The following CSMD1 variants were observed in gnomAD, a reference collection of about 807,000 sequenced individuals.
CSMD1 encodes CUB and sushi domain-containing protein 1.
A neutral mutation model predicts 417.5 loss-of-function variants in CSMD1; 213 were observed. The observed-to-expected ratio is 0.51, with a 90% CI of 0.46 to 0.57. CSMD1 has a LOEUF of 0.57. CSMD1 is among the 20% of genes least tolerant of loss of function. The pLI, the probability that CSMD1 is intolerant of heterozygous loss-of-function variation, is 0.00. For synonymous variants in CSMD1, 2,862 were observed against 1,736.8 expected (o/e 1.65, Z -16.11); for missense variants, 6,923 against 4,529.7 (o/e 1.53, Z -15.17).
At chr8:4,032,898 G>C (rs1390408496) in intron 3 of CSMD1, among the ~76,000 whole-genome samples, 3 of 152,080 alleles carry the variant, frequency 2.0e-5, no homozygotes, top group Non-Finnish European at 2.9e-5. Flanking sequence ...GGATGGGGCA[G>C]TCAGACATGC....
At chr8:3,928,029 A>C (rs796156067) in intron 5 of CSMD1, among the ~76,000 whole-genome samples, 6 of 152,292 alleles carry the variant, frequency 3.9e-5, no homozygotes, top group African/African-American at 1.4e-4. Context: ...ATTGATGAAC[A>C]ATTATAGCAT....
At chr8:4,150,785 T>C (rs1392279553) in intron 3 of CSMD1, among the ~76,000 whole-genome samples, 1 of 152,168 alleles carries the variant, frequency 6.6e-6, no homozygotes, top group African/African-American at 2.4e-5. Flanking sequence ...CATTTAAATG[T>C]GTAGTTTGCG....
chr8:4,705,148 C>T (rs950571345), intron 1 of CSMD1, among the ~76,000 whole-genome samples: 2 of 152,098 alleles, frequency 1.3e-5, no homozygotes, highest in East Asian at 3.9e-4. Flanking sequence ...GAAGAAGGTT[C>T]CTCCTTCCCC....
intron 1 of CSMD1, among the ~76,000 whole-genome samples, chr8:4,965,479 G>A (rs1040224656): frequency 6.6e-5 from 10 of 152,206 alleles, no homozygotes; most frequent in African/African-American, 1.9e-4. Flanking sequence ...GATTCAGAAG[G>A]ATCAGAAGGA....
At chr8:3,555,473 G>C (rs1280744689) in intron 10 of CSMD1, among the ~76,000 whole-genome samples, 1 of 152,190 alleles carries the variant, frequency 6.6e-6, no homozygotes, top group Non-Finnish European at 1.5e-5. Context: ...AGGTGGAGGT[G>C]AAGTGGGATG....
intron 1 of CSMD1, among the ~76,000 whole-genome samples, chr8:4,739,020 A>T (rs1393299738): frequency 1.3e-5 from 2 of 152,020 alleles, no homozygotes; most frequent in African/African-American, 4.8e-5. Flanking sequence ...AACAAGTTAA[A>T]AGTTAAAGGA....
intron 2 of CSMD1, among the ~76,000 whole-genome samples, chr8:4,571,403 A>G (rs1798887155): frequency 6.6e-6 from 1 of 152,192 alleles, no homozygotes; most frequent in African/African-American, 2.4e-5. Context: ...TTATTTACCC[A>G]GTGGTCATTT....
At chr8:4,872,780 C>G (rs1802809567) in intron 1 of CSMD1, among the ~76,000 whole-genome samples, 1 of 152,048 alleles carries the variant, frequency 6.6e-6, no homozygotes. Context: ...ATTCATAGTT[C>G]ACTTTTTGTG....
intron 25 of CSMD1, among the ~76,000 whole-genome samples, chr8:3,293,520 T>G (rs1476099423): frequency 6.6e-6 from 1 of 152,150 alleles, no homozygotes; most frequent in Admixed American, 6.6e-5. Flanking sequence ...AGGCTTTGTT[T>G]GTTTCTTTTT....
intron 1 of CSMD1, among the ~76,000 whole-genome samples, chr8:4,837,818 T>A (rs909273560): frequency 2.0e-5 from 3 of 152,112 alleles, no homozygotes; most frequent in African/African-American, 7.2e-5. Flanking sequence ...TTCCCCATGA[T>A]GCACTTATTT....
intron 2 of CSMD1, among the ~76,000 whole-genome samples, chr8:4,589,814 A>T (rs1055712427): frequency 6.6e-6 from 1 of 152,244 alleles, no homozygotes; most frequent in African/African-American, 2.4e-5. Context: ...AAGAGTATCA[A>T]GAATACTTTG....
intron 10 of CSMD1, among the ~76,000 whole-genome samples, chr8:3,527,449 T>A (rs1167208344): frequency 6.6e-6 from 1 of 152,112 alleles, no homozygotes; most frequent in Non-Finnish European, 1.5e-5. Flanking sequence ...AAGATTACAG[T>A]CTGTGTGGGC....
At chr8:4,598,984 T>G (rs959257393) in intron 2 of CSMD1, among the ~76,000 whole-genome samples, 1 of 152,178 alleles carries the variant, frequency 6.6e-6, no homozygotes, top group African/African-American at 2.4e-5. Context: ...TCCAAGAAAG[T>G]TACGTGTACC....
chr8:3,020,279 T>C (rs1432937361), intron 51 of CSMD1, among the ~76,000 whole-genome samples: 1 of 152,206 alleles, frequency 6.6e-6, no homozygotes, highest in African/African-American at 2.4e-5. Context: ...TCAGGACCTA[T>C]TTAGTCAATT....
chr8:4,870,737 T>C (rs966517811), intron 1 of CSMD1, among the ~76,000 whole-genome samples: 4 of 152,132 alleles, frequency 2.6e-5, no homozygotes, highest in African/African-American at 9.7e-5. Flanking sequence ...GACATTCATT[T>C]AACTATGTGA....
chr8:4,274,409 A>G (rs1044411636), intron 3 of CSMD1, among the ~76,000 whole-genome samples: 2 of 152,176 alleles, frequency 1.3e-5, no homozygotes, highest in Non-Finnish European at 2.9e-5. Context: ...CGTGCTCAAA[A>G]TGTCTCTGGT....
intron 3 of CSMD1, among the ~76,000 whole-genome samples, chr8:4,377,374 TTTC>T (rs1401306556): frequency 6.6e-6 from 1 of 152,210 alleles, no homozygotes; most frequent in East Asian, 1.9e-4. Context: ...TTTGCTTCCT[TTTC>T]TTTTAGTCGT....
At chr8:4,473,192 T>G (rs1356330265) in intron 2 of CSMD1, among the ~76,000 whole-genome samples, 1 of 152,212 alleles carries the variant, frequency 6.6e-6, no homozygotes, top group Non-Finnish European at 1.5e-5. Flanking sequence ...AATGACGACT[T>G]AAAATTTCAA....
At chr8:4,384,135 C>T (rs1803286981) in intron 3 of CSMD1, among the ~76,000 whole-genome samples, 1 of 152,180 alleles carries the variant, frequency 6.6e-6, no homozygotes, top group Non-Finnish European at 1.5e-5. Flanking sequence ...TTTTATCATA[C>T]TTGAGCCTCC....
Sources: gnomAD v4.1 joint callset for allele counts (sites outside exome capture counted in the v4.1 genomes callset) on GRCh38, gnomAD v4.1.1 for gene constraint, MANE v1.5 for transcripts, NCBI Gene and HGNC (gene_info 2026-07-23, HGNC 2026-07-21) for gene names.